ADAMTS2: variants seen among roughly 807,000 people sequenced by gnomAD.
The protein encoded by ADAMTS2 is A disintegrin and metalloproteinase with thrombospondin motifs 2.
ADAMTS2 carries 50 observed loss-of-function variants against 123.0 expected under a neutral mutation model. That is an observed-to-expected ratio of 0.41 (90% CI 0.32 to 0.51). ADAMTS2 has a LOEUF of 0.51. Among genes scored for constraint, ADAMTS2 ranks in the 20% least tolerant of loss-of-function variants. The pLI is 0.35. For synonymous variants in ADAMTS2, 678 were observed against 695.4 expected (o/e 0.98, Z 0.39); for missense variants, 1,494 against 1,705.2 (o/e 0.88, Z 2.18).
At chr5:179,136,619 T>C (rs1319090379) in intron 12 of ADAMTS2, among the ~76,000 whole-genome samples, 1 of 138,418 alleles carries the variant, frequency 7.2e-6, no homozygotes, top group Non-Finnish European at 1.5e-5. Flanking sequence ...GAGCCAAGAC[T>C]GCGCCACTGC....
intron 5 of ADAMTS2, among the ~76,000 whole-genome samples, chr5:179,172,483 G>A (rs1054611096): frequency 2.0e-5 from 3 of 152,240 alleles, no homozygotes; most frequent in South Asian, 2.1e-4. Flanking sequence ...GGTGGTGCCT[G>A]CTAACCCAGG....
chr5:179,343,948 C>A lies in ADAMTS2; in HGVS notation c.353G>T (p.Arg118Leu). 1 of 1,611,504 alleles carries A rather than the reference C, an allele frequency of 6.2e-7. No individual in the cohort carries two copies. Among genetic ancestry groups the A allele is most frequent in the Non-Finnish European group, 8.5e-7 (1 of 1,179,538 alleles). The change falls in exon 2 of 22, where the codon CGA becomes CTA. Residue 118 changes from arginine (R) to leucine (L), a missense_variant. By Grantham distance (102) the Arg-to-Leu change is moderately radical (BLOSUM62 -2). This residue lies in a region of ADAMTS2 where 237 missense variants were observed against 233.7 expected (regional missense o/e 1.01). Transcript: ENST00000251582. ...HLFYNVTVFG[R>L]DLHLRLRPNA... The stretch of plus-strand genomic sequence containing the variant: ...GGGCCGCAGCCGCAGGTGCAGGTCT[C>A]GGCCAAAGACCGTGACATTGTAGAA...
chr5:179,181,216 C>T lies in ADAMTS2; in HGVS notation c.892-61G>A. On this transcript the variant is annotated intron_variant, in intron 4 of 21. Transcript: ENST00000251582. This position sits in a 1 kb window ranked among gnomAD's most constrained non-coding sequence, Gnocchi z 4.1. ...GGCCCTAGGACTGGCTCTGGCTCTGCCAATGGGATGACCCCCACCTGCTCC... is the reference window on the plus strand; with the variant it reads ...GGCCCTAGGACTGGCTCTGGCTCTGTCAATGGGATGACCCCCACCTGCTCC... 2.4e-6 allele frequency: 3 copies of T among 1,227,412 alleles called. No homozygotes were observed. Among genetic ancestry groups the T allele is most frequent in the Non-Finnish European group, 2.4e-6 (2 of 829,588 alleles). 76.0% of individuals were successfully genotyped at this position (1,227,412 alleles called of 1,614,324 possible).
rs112920006 is a variant in ADAMTS2, at chr5:179,229,759, C to G, written c.689-22044G>C. On this transcript the variant is annotated intron_variant, in intron 3 of 21. Coordinates refer to ENST00000251582, the MANE Select transcript of ADAMTS2 (RefSeq NM_014244.5). ...CGCAGGCAGCATGAATGTTTAATTA[C>G]GTTAATTGTCCAAGTCCAGCGCACA... 9.8e-5 allele frequency among the ~76,000 whole-genome samples: 15 copies of G among 152,308 alleles called. 1 individual carries two copies. Among genetic ancestry groups the G allele is most frequent in the African/African-American group, 3.1e-4 (13 of 41,564 alleles).
At position 179,256,887 on chromosome 5, in the gene ADAMTS2, G is replaced by C. The variant is rs1192005044; in HGVS notation, c.688+16024C>G. Among the ~76,000 whole-genome samples, 4 of 152,274 alleles carry C rather than the reference G, an allele frequency of 2.6e-5. No individual in the cohort carries two copies. The highest frequency in any genetic ancestry group is 5.9e-5 in the Non-Finnish European group (4 of 68,046). On this transcript the variant is annotated intron_variant, in intron 3 of 21. Transcript: ENST00000251582. The surrounding 1 kb of genome is among the most constrained non-coding windows in gnomAD (Gnocchi z 4.1). Reference sequence around the variant, plus strand: ...GGTGGGGCGGCGAGGCCGCCCAAGAGCTGCAGGGCTGAGGCCTGGCTTTAG... The same window carrying C: ...GGTGGGGCGGCGAGGCCGCCCAAGACCTGCAGGGCTGAGGCCTGGCTTTAG...
chr5:179,138,495 C>G (rs754845986), intron 11 of ADAMTS2, among the ~76,000 whole-genome samples: 1 of 152,190 alleles, frequency 6.6e-6, no homozygotes, highest in Non-Finnish European at 1.5e-5. Context: ...GTGGAGAAGG[C>G]GGGCTGCGTT....
rs1228246991 is a variant in ADAMTS2 at position 179,332,309 on chromosome 5, C to T, written c.534+11458G>A. 2.6e-5 allele frequency among the ~76,000 whole-genome samples: 4 copies of T among 152,162 alleles called. No homozygotes were observed. The highest frequency in any genetic ancestry group is 4.1e-4 in the South Asian group (2 of 4,826). ...CCAGAACCTCCACCTGTTCACCAAC[C>T]CAAAGCTCTCCAAACCTTGTCATTT... On this transcript the variant is annotated intron_variant, in intron 2 of 21. Transcript: ENST00000251582. The surrounding 1 kb of genome is among the most constrained non-coding windows in gnomAD (Gnocchi z 4.2).
intron 2 of ADAMTS2, among the ~76,000 whole-genome samples, chr5:179,342,675 C>T (rs1357510694): frequency 2.0e-5 from 3 of 152,210 alleles, no homozygotes; most frequent in Non-Finnish European, 4.4e-5. Context: ...GCAATTAGAG[C>T]GGAACCCATG....
At chr5:179,294,395 T>C (rs995455453) in intron 2 of ADAMTS2, among the ~76,000 whole-genome samples, 1 of 152,206 alleles carries the variant, frequency 6.6e-6, no homozygotes, top group Non-Finnish European at 1.5e-5. Flanking sequence ...CTCAATCCCA[T>C]GAACAGGGAA....
In ADAMTS2 at chr5:179,299,258, G is replaced by T. The variant is rs527642990; in HGVS notation, c.535-26194C>A. The stretch of plus-strand genomic sequence containing the variant: ...TAAAAACACAAATTTGTCCAGGCGC[G>T]GTGGCTCACGCCTGTAATCCCAGCA... On this transcript the variant is annotated intron_variant, in intron 2 of 21. Coordinates refer to ENST00000251582, the MANE Select transcript of ADAMTS2 (RefSeq NM_014244.5). Among the ~76,000 whole-genome samples, 363 of 147,066 alleles carry T rather than the reference G, an allele frequency of 2.5e-3. 1 individual carries two copies. Among genetic ancestry groups the T allele is most frequent in the Admixed American group, 7.1e-3 (103 of 14,580 alleles).
intron 11 of ADAMTS2, among the ~76,000 whole-genome samples, chr5:179,138,191 G>C (rs2113219496): frequency 6.6e-6 from 1 of 152,198 alleles, no homozygotes; most frequent in East Asian, 1.9e-4. Context: ...CCCTCCTGGG[G>C]TTCCTGTGGG....
chr5:179,223,394 A>T (rs1397633080), intron 3 of ADAMTS2, among the ~76,000 whole-genome samples: 1 of 137,002 alleles, frequency 7.3e-6, no homozygotes, highest in African/African-American at 2.5e-5. Flanking sequence ...GAATGCACTC[A>T]CACACACGCA....
intron 3 of ADAMTS2, among the ~76,000 whole-genome samples, chr5:179,229,758 A>C (rs1445040539): frequency 3.3e-5 from 5 of 152,224 alleles, no homozygotes; most frequent in African/African-American, 1.2e-4. Context: ...ATGTTTAATT[A>C]CGTTAATTGT....
rs1045564375 is a variant in ADAMTS2, at chr5:179,234,684, C to A, written c.689-26969G>T. On this transcript the variant is annotated intron_variant, in intron 3 of 21. Coordinates refer to ENST00000251582, the MANE Select transcript of ADAMTS2 (RefSeq NM_014244.5). This position sits in a 1 kb window ranked among gnomAD's most constrained non-coding sequence, Gnocchi z 4.7. ...CATTGCTGCTGTGCCCATCTCATCT[C>A]CACATCCAAGGAGTCACCGCATCCT... Among the ~76,000 whole-genome samples, 2 of 152,134 alleles carry A rather than the reference C, an allele frequency of 1.3e-5. No individual in the cohort carries two copies. The highest frequency in any genetic ancestry group is 2.9e-5 in the Non-Finnish European group (2 of 68,022).
At position 179,303,325 on chromosome 5, in the gene ADAMTS2, G is replaced by A. The variant is rs1390001974; in HGVS notation, c.535-30261C>T. ...TTCAGGTTCCAGTAGGATGGTGTGA[G>A]CACGCCTCACCTGCATCCCCCACTG... On this transcript the variant is annotated intron_variant, in intron 2 of 21. Transcript: ENST00000251582. This position sits in a 1 kb window ranked among gnomAD's most constrained non-coding sequence, Gnocchi z 4.7. 6.6e-6 allele frequency among the ~76,000 whole-genome samples: 1 copy of A among 152,176 alleles called. No individual in the cohort carries two copies. Among genetic ancestry groups the A allele is most frequent in the Non-Finnish European group, 1.5e-5 (1 of 68,024 alleles).
chr5:179,218,125 G>T (rs889614209), intron 3 of ADAMTS2, among the ~76,000 whole-genome samples: 5 of 152,260 alleles, frequency 3.3e-5, no homozygotes, highest in Non-Finnish European at 7.3e-5. Context: ...AGGCCATGAT[G>T]TTGGCAAATG....
At chr5:179,302,195 C>T (rs1756543231) in intron 2 of ADAMTS2, among the ~76,000 whole-genome samples, 1 of 151,908 alleles carries the variant, frequency 6.6e-6, no homozygotes, top group African/African-American at 2.4e-5. Context: ...GGTGCGGTGG[C>T]TCATGCCTGT....
rs1200552304 is a variant in ADAMTS2 at position 179,189,521 on chromosome 5, T to C, written c.892-8366A>G. Among the ~76,000 whole-genome samples, 1 of 139,082 alleles carries C rather than the reference T, an allele frequency of 7.2e-6. No homozygotes were observed. 91.2% of individuals were successfully genotyped at this position (139,082 alleles called of 152,430 possible). ...CGCCAGTGCGCCTGGTTTTTTTTTT[T>C]TTTTTTTTTTTTTTTTTAGTAGAGG... On this transcript the variant is annotated intron_variant, in intron 4 of 21. Coordinates refer to ENST00000251582, the MANE Select transcript of ADAMTS2 (RefSeq NM_014244.5). This position sits in a 1 kb window ranked among gnomAD's most constrained non-coding sequence, Gnocchi z 4.2.
rs866604602 is a variant in ADAMTS2 at position 179,185,483 on chromosome 5, C to T, written c.892-4328G>A. 2.0e-5 allele frequency among the ~76,000 whole-genome samples: 3 copies of T among 152,062 alleles called. No individual in the cohort carries two copies. The highest frequency in any genetic ancestry group is 4.4e-5 in the Non-Finnish European group (3 of 67,994). Reference sequence around the variant, plus strand: ...CCTGGCCAGGCCCTGCCCCTCAGGACGCAAGATCTTCCCACTCTCCTAGCC... The same window carrying T: ...CCTGGCCAGGCCCTGCCCCTCAGGATGCAAGATCTTCCCACTCTCCTAGCC... On this transcript the variant is annotated intron_variant, in intron 4 of 21. Transcript: ENST00000251582. This position sits in a 1 kb window ranked among gnomAD's most constrained non-coding sequence, Gnocchi z 5.9.
Sources: allele counts gnomAD v4.1 joint callset (sites outside exome capture counted in the v4.1 genomes callset), GRCh38; gene constraint gnomAD v4.1.1; regional missense constraint gnomAD v4.1.1; non-coding constraint Gnocchi (gnomAD v3.1); transcripts MANE v1.5; gene names NCBI Gene and HGNC (gene_info 2026-07-23, HGNC 2026-07-21).